GNA12: variants seen among roughly 807,000 people sequenced by gnomAD.
The protein encoded by GNA12 is guanine nucleotide-binding protein subunit alpha-12.
Under a neutral mutation model 26.0 loss-of-function variants are expected in GNA12, and 9 were observed. The ratio of observed to expected loss-of-function variants is 0.35; its 90% confidence interval spans 0.21 to 0.60. The LOEUF is 0.60. Among genes scored for constraint, GNA12 ranks in the 20% least tolerant of loss-of-function variants. The probability of loss-of-function intolerance (pLI) is 0.78; values close to 1 mark genes in which losing one functional copy is unlikely to be tolerated. For missense variants in GNA12, 405 were observed against 525.8 expected (o/e 0.77, Z 2.25); for synonymous variants, 264 against 219.6 (o/e 1.20, Z -1.79).
chr7:2,766,257 T>G (rs1002561475), intron 2 of GNA12, among the ~76,000 whole-genome samples: 8 of 152,226 alleles, frequency 5.3e-5, no homozygotes, highest in African/African-American at 1.7e-4. Flanking sequence ...ATCCTCAAGG[T>G]TCATCTCTGT....
At chr7:2,764,298 G>C (rs1370918500) in intron 2 of GNA12, among the ~76,000 whole-genome samples, 1 of 150,798 alleles carries the variant, frequency 6.6e-6, no homozygotes, top group Non-Finnish European at 1.5e-5. Context: ...GCCCAGGCAG[G>C]TCTCAAACTC....
chr7:2,793,881 CA>C (rs71026557), intron 2 of GNA12, among the ~76,000 whole-genome samples: 2,873 of 95,606 alleles, frequency 0.03, 63 homozygotes, highest in African/African-American at 0.11. Context: ...GACTCCATCT[CA>C]AAAAAAAAAA....
At chr7:2,737,252 AGCT>A in intron 2 of GNA12, among the ~76,000 whole-genome samples, 1 of 131,726 alleles carries the variant, frequency 7.6e-6, no homozygotes, top group Admixed American at 8.1e-5. Flanking sequence ...CCCATTCAGG[AGCT>A]ATCTCACAGT....
chr7:2,793,648 C>T (rs922386837), intron 2 of GNA12, among the ~76,000 whole-genome samples: 13 of 151,852 alleles, frequency 8.6e-5, no homozygotes, highest in Admixed American at 2.0e-4. Flanking sequence ...TTTGGGAGGC[C>T]GAGGCGGGTG....
chr7:2,842,628 G>T (rs1713921), intron 1 of GNA12, among the ~76,000 whole-genome samples: 2 of 151,982 alleles, frequency 1.3e-5, no homozygotes, highest in Non-Finnish European at 2.9e-5. Context: ...CAAATATGGC[G>T]AAGAGAAAAA....
chr7:2,840,012 A>G (rs1470714420), intron 1 of GNA12, among the ~76,000 whole-genome samples: 6 of 152,100 alleles, frequency 3.9e-5, no homozygotes, highest in Admixed American at 1.3e-4. Context: ...ACAACAGAAT[A>G]GATTATTCAC....
chr7:2,800,929 A>C (rs901048067), intron 1 of GNA12, among the ~76,000 whole-genome samples: 11 of 152,202 alleles, frequency 7.2e-5, no homozygotes, highest in African/African-American at 2.4e-4. Context: ...AAAACCAAAA[A>C]GGTTCAAGAA....
intron 1 of GNA12, chr7:2,814,771 A>T: frequency 9.6e-7 from 1 of 1,041,992 alleles, no homozygotes; most frequent in Non-Finnish European, 1.4e-6. Context: ...TCCAACACAC[A>T]TCCTAGAAAG....
At chr7:2,759,924 C>T (rs973849087) in intron 2 of GNA12, among the ~76,000 whole-genome samples, 12 of 152,208 alleles carry the variant, frequency 7.9e-5, no homozygotes, top group Non-Finnish European at 1.6e-4. Flanking sequence ...TGCTTTCTGC[C>T]ACCTGCTCCT....
chr7:2,749,995 A>C (rs989721685), intron 2 of GNA12, among the ~76,000 whole-genome samples: 9 of 152,250 alleles, frequency 5.9e-5, no homozygotes, highest in African/African-American at 2.2e-4. Flanking sequence ...TTTTAGAAGC[A>C]GAAAACTTTC....
intron 2 of GNA12, chr7:2,775,582 C>A (rs1306261790): frequency 6.6e-6 from 1 of 152,264 alleles, no homozygotes; most frequent in African/African-American, 2.4e-5. Context: ...CAAAACAGAG[C>A]TGCCTGGTCT....
chr7:2,798,709 A>T (rs546839813), intron 1 of GNA12, among the ~76,000 whole-genome samples: 2 of 152,362 alleles, frequency 1.3e-5, no homozygotes, highest in South Asian at 4.1e-4. Flanking sequence ...AACTTTGAAA[A>T]AGAAAAGTGG....
chr7:2,771,417 CA>C (rs771111654), intron 2 of GNA12, among the ~76,000 whole-genome samples: 164 of 152,292 alleles, frequency 1.1e-3, no homozygotes, highest in Non-Finnish European at 8.5e-4. Flanking sequence ...AGCAAACACC[CA>C]AACAACTCCC....
At chr7:2,824,778 G>T (rs573315637) in intron 1 of GNA12, among the ~76,000 whole-genome samples, 3 of 152,048 alleles carry the variant, frequency 2.0e-5, no homozygotes, top group South Asian at 4.2e-4. Context: ...AAATCAAACC[G>T]CAATAAAAAA....
At chr7:2,735,467 C>T (rs1051095088) in intron 2 of GNA12, among the ~76,000 whole-genome samples, 4 of 152,160 alleles carry the variant, frequency 2.6e-5, no homozygotes, top group African/African-American at 7.2e-5. Context: ...ACACGTGCTC[C>T]GCCCAGATAG....
intron 1 of GNA12, among the ~76,000 whole-genome samples, chr7:2,809,788 A>G (rs537843613): frequency 6.6e-6 from 1 of 152,368 alleles, no homozygotes; most frequent in South Asian, 2.1e-4. Flanking sequence ...ACACATCTGT[A>G]AATATGTAAA....
intron 2 of GNA12, among the ~76,000 whole-genome samples, chr7:2,736,731 G>C (rs962856703): frequency 6.6e-6 from 1 of 152,236 alleles, no homozygotes; most frequent in Non-Finnish European, 1.5e-5. Flanking sequence ...TCCGGTGGGA[G>C]AAAGACACAC....
chr7:2,825,590 T>C (rs1170043263), intron 1 of GNA12, among the ~76,000 whole-genome samples: 7 of 152,250 alleles, frequency 4.6e-5, no homozygotes, highest in Non-Finnish European at 7.3e-5. Flanking sequence ...TGTGCCATCA[T>C]ACAGCTACTG....
intron 1 of GNA12, among the ~76,000 whole-genome samples, chr7:2,819,312 C>G (rs912266234): frequency 1.3e-5 from 2 of 152,218 alleles, no homozygotes; most frequent in Non-Finnish European, 2.9e-5. Context: ...CAAAAAGGAA[C>G]ACAGTCCGGC....
Sources: gnomAD v4.1 joint callset for allele counts (sites outside exome capture counted in the v4.1 genomes callset) on GRCh38, gnomAD v4.1.1 for gene constraint, MANE v1.5 for transcripts, NCBI Gene and HGNC (gene_info 2026-07-23, HGNC 2026-07-21) for gene names.